Variants in HMGB1 observed in about 807,000 individuals in gnomAD.
HMGB1 encodes high mobility group box 1, also known as high mobility group protein B1.
For missense variants in HMGB1, 79 were observed against 253.5 expected (o/e 0.31, Z 4.67); for synonymous variants, 81 against 84.0 (o/e 0.96, Z 0.19).
chr13:30,537,924 T>C (rs964444204), intron 1 of HMGB1, among the ~76,000 whole-genome samples: 12 of 152,054 alleles, frequency 7.9e-5, no homozygotes, highest in African/African-American at 2.7e-4. Context: ...TTCTCTTTTT[T>C]AAAATTTATT....
intron 1 of HMGB1, among the ~76,000 whole-genome samples, chr13:30,576,627 A>C (rs1342235900): frequency 1.3e-5 from 2 of 151,662 alleles, no homozygotes; most frequent in Admixed American, 1.3e-4. Flanking sequence ...TCCCTAGGTG[A>C]TGTGACCCAG....
upstream of HMGB1, among the ~76,000 whole-genome samples, chr13:30,466,224 G>A (rs1332590263): frequency 1.3e-5 from 2 of 152,104 alleles, no homozygotes; most frequent in South Asian, 2.1e-4. Context: ...CGGAGCGGCC[G>A]CCGGAGCGAA....
chr13:30,487,363 G>T (rs1887387837), intron 1 of HMGB1, among the ~76,000 whole-genome samples: 1 of 152,242 alleles, frequency 6.6e-6, no homozygotes, highest in South Asian at 2.1e-4. Context: ...GAGCAGACTA[G>T]GAAGGATGGC....
intron 1 of HMGB1, among the ~76,000 whole-genome samples, chr13:30,605,725 G>A (rs1264777048): frequency 6.6e-6 from 1 of 152,170 alleles, no homozygotes; most frequent in Non-Finnish European, 1.5e-5. Context: ...GCTCAGTGAA[G>A]AAACATGGTT....
chr13:30,548,727 G>A (rs1181825189), intron 1 of HMGB1, among the ~76,000 whole-genome samples: 1 of 152,130 alleles, frequency 6.6e-6, no homozygotes, highest in Non-Finnish European at 1.5e-5. Context: ...TTTCTGCCTT[G>A]GGGGACGTAT....
At chr13:30,574,311 C>A (rs1209329196) in intron 1 of HMGB1, among the ~76,000 whole-genome samples, 1 of 152,216 alleles carries the variant, frequency 6.6e-6, no homozygotes, top group African/African-American at 2.4e-5. Context: ...TTTATCACAA[C>A]TGTTTGAAGT....
rs551442918 is a variant in HMGB1, at chr13:30,462,714, T to TA, written c.297-3dup. On this transcript the variant is annotated splice_polypyrimidine_tract_variant and splice_region_variant and intron_variant, in intron 3 of 4. Coordinates refer to ENST00000341423, the MANE Select transcript of HMGB1 (RefSeq NM_002128.7). ...GAGCAGAAGAGGAAGAAGGCCGAAC[T>TA]AAAAAAAAAATTAATTTTAGGATTT... The TA allele has an allele frequency of 9.0e-4, 1,367 of 1,516,094 alleles. No homozygotes were observed. The highest frequency in any genetic ancestry group is 1.1e-3 in the Non-Finnish European group (1,196 of 1,107,138). The allele number at this position is 1,516,094 out of a possible 1,614,324, so 93.9% of individuals were successfully genotyped here. A position where few individuals can be genotyped will look rare whatever the true frequency, so the allele number is the denominator to read the frequency against.
intron 1 of HMGB1, among the ~76,000 whole-genome samples, chr13:30,510,751 A>C (rs146861466): frequency 2.6e-5 from 4 of 152,192 alleles, no homozygotes; most frequent in African/African-American, 9.6e-5. Context: ...AAGCTGTTAC[A>C]TGGCTTTTGT....
At chr13:30,605,207 T>G (rs946897774) in intron 1 of HMGB1, among the ~76,000 whole-genome samples, 4 of 152,148 alleles carry the variant, frequency 2.6e-5, no homozygotes, top group Non-Finnish European at 5.9e-5. Flanking sequence ...GAATGCCTAT[T>G]TGGCACCAAG....
chr13:30,501,115 CTGAGTA>C (rs1459455486), intron 1 of HMGB1, among the ~76,000 whole-genome samples: 2 of 152,288 alleles, frequency 1.3e-5, no homozygotes, highest in African/African-American at 4.8e-5. Context: ...CCCACTGTGT[CTGAGTA>C]TAATATTCTA....
intron 1 of HMGB1, among the ~76,000 whole-genome samples, chr13:30,483,310 T>C (rs1887278526): frequency 6.6e-6 from 1 of 152,068 alleles, no homozygotes; most frequent in African/African-American, 2.4e-5. Context: ...GGGGGTCCTC[T>C]CACTCAGTTG....
chr13:30,487,072 C>T (rs1887381573), intron 1 of HMGB1, among the ~76,000 whole-genome samples: 1 of 152,140 alleles, frequency 6.6e-6, no homozygotes, highest in Non-Finnish European at 1.5e-5. Context: ...AGGGAGAGAC[C>T]TGAGCCAGGG....
chr13:30,554,703 C>T (rs9888458), intron 1 of HMGB1: 3 of 770,456 alleles, frequency 3.9e-6, no homozygotes, highest in Non-Finnish European at 7.3e-6. Flanking sequence ...TGAGAATGCT[C>T]TACGGAAACA....
chr13:30,616,595 C>G (rs573250702), intron 1 of HMGB1: 3 of 152,092 alleles, frequency 2.0e-5, no homozygotes, highest in Non-Finnish European at 4.4e-5. Context: ...AAAAGAAAAA[C>G]CTAACTAGCT....
chr13:30,552,846 T>C (rs946332981), intron 1 of HMGB1, among the ~76,000 whole-genome samples: 3 of 152,222 alleles, frequency 2.0e-5, no homozygotes, highest in African/African-American at 7.2e-5. Flanking sequence ...ACTGCTATGG[T>C]ACCCAGGTCT....
chr13:30,505,652 T>C (rs968140500), intron 1 of HMGB1, among the ~76,000 whole-genome samples: 2 of 151,944 alleles, frequency 1.3e-5, no homozygotes, highest in Non-Finnish European at 2.9e-5. Flanking sequence ...AAAAGTAGAG[T>C]ATAACGAAAC....
At chr13:30,541,016 T>C (rs1404982639) in intron 1 of HMGB1, 1 of 152,204 alleles carries the variant, frequency 6.6e-6, no homozygotes, top group Non-Finnish European at 1.5e-5. Flanking sequence ...TTTCTTTTAT[T>C]TCTTGATACA....
chr13:30,539,238 C>T (rs1004956024), intron 1 of HMGB1, among the ~76,000 whole-genome samples: 5 of 152,166 alleles, frequency 3.3e-5, no homozygotes, highest in Non-Finnish European at 5.9e-5. Flanking sequence ...TCCCCCTGCC[C>T]GCCTCCGCTG....
chr13:30,528,475 A>T (rs1268410207), intron 1 of HMGB1, among the ~76,000 whole-genome samples: 1 of 152,158 alleles, frequency 6.6e-6, no homozygotes, highest in Non-Finnish European at 1.5e-5. Flanking sequence ...CTTGCTTTTG[A>T]CTGAGTTTAC....
Sources: gnomAD v4.1 joint callset for allele counts (sites outside exome capture counted in the v4.1 genomes callset) on GRCh38, gnomAD v4.1.1 for gene constraint, MANE v1.5 for transcripts, NCBI Gene and HGNC (gene_info 2026-07-23, HGNC 2026-07-21) for gene names.